ADGRD2: variants seen among roughly 807,000 people sequenced by gnomAD.
The protein encoded by ADGRD2 is G protein-coupled receptor PGR24.
Under a neutral mutation model 44.4 loss-of-function variants are expected in ADGRD2, and 71 were observed. That is an observed-to-expected ratio of 1.60 (90% CI 1.32 to 1.95). ADGRD2 has a LOEUF of 1.95. Among genes scored for constraint, ADGRD2 ranks in the 30% most tolerant of loss-of-function variants. The pLI is 0.00. For missense variants in ADGRD2, 1,039 were observed against 512.4 expected (o/e 2.03, Z -9.92); for synonymous variants, 481 against 224.8 (o/e 2.14, Z -10.19).
At chr9:124,450,871 G>A (rs1831453817), upstream of ADGRD2, among the ~76,000 whole-genome samples, 1 of 152,256 alleles carries the variant, frequency 6.6e-6, no homozygotes, top group African/African-American at 2.4e-5. Flanking sequence ...CAGGTGTCAG[G>A]ACACCGTGTT....
Position 124,466,619 on chromosome 9 carries a change from G to T in ADGRD2, c.2026+206G>T, listed in dbSNP as rs551750547. The T allele has an allele frequency of 7.8e-6, 3 of 386,598 alleles. No homozygotes were observed. The East Asian group carries it at 1.3e-4, about 16-fold the overall frequency. 23.9% of individuals were successfully genotyped at this position (386,598 alleles called of 1,614,324 possible). A position where few individuals can be genotyped will look rare whatever the true frequency, so the allele number is the denominator to read the frequency against. The stretch of plus-strand genomic sequence containing the variant: ...GAGCCCAGGAGTTCAAGACCAGCCT[G>T]GGCAACATGGCAAAACCCCGTCTCT... On this transcript the variant is annotated intron_variant, in intron 11 of 21. Transcript: ENST00000334810.
rs1831656731 is a variant in ADGRD2, at chr9:124,458,328, A to T, written c.1764+92A>T. On this transcript the variant is annotated intron_variant, in intron 9 of 21. Transcript: ENST00000334810. ...CGTTCTGGTGGGCGCATGTGTCCTT[A>T]GCAGCCCAGGGCCCACCCTTTCCCA... The T allele has an allele frequency of 4.4e-6, 3 of 678,066 alleles. No homozygotes were observed. The South Asian group carries it at 4.8e-5, about 11-fold the overall frequency. 42.0% of individuals were successfully genotyped at this position (678,066 alleles called of 1,614,324 possible). A position where few individuals can be genotyped will look rare whatever the true frequency, so the allele number is the denominator to read the frequency against.
At chr9:124,453,746 C>A in intron 3 of ADGRD2, 70 bp downstream of exon 6, 1 of 646,620 alleles carries the variant, frequency 1.5e-6, no homozygotes, top group Non-Finnish European at 2.8e-6. Flanking sequence ...GGAACTCGAC[C>A]CACCCCTTGC....
At chr9:124,472,455 TG>T (rs1831964031) in intron 17 of ADGRD2, among the ~76,000 whole-genome samples, 2 of 21,410 alleles carry the variant, frequency 9.3e-5, no homozygotes, top group Admixed American at 1.1e-3. Flanking sequence ...TTTGTTTGTT[TG>T]TTTTTTGTTT....
exon 3 of ADGRD2, chr9:124,453,131 C>T (rs1005143000): frequency 1.1e-5 from 8 of 701,750 alleles, no homozygotes; most frequent in Non-Finnish European, 1.8e-5. Context: ...GCGCTGACCG[C>T]GTGTACTCAC....
At chr9:124,471,594 G>GC (rs555906320) in intron 17 of ADGRD2, among the ~76,000 whole-genome samples, 95 of 152,272 alleles carry the variant, frequency 6.2e-4, no homozygotes, top group Admixed American at 4.7e-3. Flanking sequence ...CTTGCCCAAG[G>GC]CCCCCCAGGA....
At chr9:124,477,540 G>T (rs1472728274) in intron 21 of ADGRD2, among the ~76,000 whole-genome samples, 4 of 152,232 alleles carry the variant, frequency 2.6e-5, no homozygotes, top group African/African-American at 4.8e-5. Flanking sequence ...GCACAGAAAG[G>T]CGCAGCCGCT....
intron 17 of ADGRD2, among the ~76,000 whole-genome samples, chr9:124,472,199 C>T (rs1230583970): frequency 2.6e-5 from 4 of 152,154 alleles, no homozygotes; most frequent in East Asian, 3.9e-4. Flanking sequence ...ACCGTCGCAC[C>T]GTCTCAGATC....
At chr9:124,455,122 C>T (rs540077227) in exon 6 of ADGRD2, 16 of 700,374 alleles carry the variant, frequency 2.3e-5, no homozygotes, top group South Asian at 3.0e-5. Context: ...GCTCTCCCTC[C>T]GTGAAGTGAG....
chr9:124,456,662 G>A (rs755304046), exon 7 of ADGRD2: 31 of 717,404 alleles, frequency 4.3e-5, no homozygotes, highest in South Asian at 1.0e-4. Context: ...AGTGTGCAGC[G>A]CCTGGCACCC....
intron 6 of ADGRD2, among the ~76,000 whole-genome samples, chr9:124,455,764 G>A (rs369508230): frequency 4.6e-5 from 7 of 152,186 alleles, no homozygotes; most frequent in African/African-American, 1.7e-4. Context: ...CAGACACTCT[G>A]GACAACATGA....
intron 17 of ADGRD2, 105 bp downstream of exon 20, chr9:124,470,719 G>A: frequency 1.7e-6 from 1 of 596,722 alleles, no homozygotes. Flanking sequence ...TCCATCATGG[G>A]AGACATTCAA....
In ADGRD2 at chr9:124,453,026, T is replaced by TCCC; in HGVS notation, c.282-8_282-6dup. The TCCC allele has an allele frequency of 1.5e-6, 1 of 647,302 alleles. No individual in the cohort carries two copies. Among genetic ancestry groups the TCCC allele is most frequent in the Non-Finnish European group, 2.8e-6 (1 of 357,696 alleles). The allele number at this position is 647,302 out of a possible 1,614,324, so 40.1% of individuals were successfully genotyped here. ...GGAAACTGAGGTCGCAGCCCACGTG[T>TCCC]CCCTGCAGGTGCGCGCACCACCGCC... On this transcript the variant is annotated splice_polypyrimidine_tract_variant and intron_variant, in intron 2 of 21. Coordinates refer to ENST00000334810, the Ensembl canonical transcript of ADGRD2.
chr9:124,477,993 C>T (rs932249494), intron 21 of ADGRD2, among the ~76,000 whole-genome samples: 1 of 152,184 alleles, frequency 6.6e-6, no homozygotes, highest in Non-Finnish European at 1.5e-5. Flanking sequence ...CTCCGGACGC[C>T]CCCGCTTCCA....
At chr9:124,477,005 G>A (rs1254187343) in intron 21 of ADGRD2, 5 of 652,598 alleles carry the variant, frequency 7.7e-6, no homozygotes, top group South Asian at 3.0e-5. Context: ...CCAGGGGGGC[G>A]CTGCCAAGGA....
Position 124,454,969 on chromosome 9 carries a change from G to T in ADGRD2, c.1237G>T (p.Ala413Ser). 1 of 718,234 alleles carries T rather than the reference G, an allele frequency of 1.4e-6. No individual in the cohort carries two copies. Among genetic ancestry groups the T allele is most frequent in the Non-Finnish European group, 2.6e-6 (1 of 385,098 alleles). The allele number at this position is 718,234 out of a possible 1,614,324, so 44.5% of individuals were successfully genotyped here. ...TCCCCTGGGGCCGGCCGCACTGCTG[G>T]CTGTTGTCCGCTTCCTGAAGAGGGT... Residue 413 changes from alanine to serine, a missense_variant, in exon 6 of 22, where the codon GCT becomes TCT. Transcript: ENST00000334810. The surrounding 1 kb of genome is among the most constrained non-coding windows in gnomAD (Gnocchi z 4.5).
intron 10 of ADGRD2, among the ~76,000 whole-genome samples, chr9:124,463,311 A>C (rs1375521100): frequency 6.6e-6 from 1 of 152,156 alleles, no homozygotes; most frequent in Non-Finnish European, 1.5e-5. Flanking sequence ...TGTTAAACCA[A>C]CCTTGGATTC....
At chr9:124,455,016 C>T (rs761675244) in exon 6 of ADGRD2, 4 of 718,216 alleles carry the variant, frequency 5.6e-6, no homozygotes, top group Non-Finnish European at 1.0e-5. Context: ...GGGCTGGGGA[C>T]CCAGAGCTGT....
At chr9:124,476,877 C>T (rs749893508) in intron 21 of ADGRD2, 168 bp downstream of exon 24, 11 of 697,934 alleles carry the variant, frequency 1.6e-5, no homozygotes, top group South Asian at 3.0e-5. Context: ...GGGGGCCTGG[C>T]GGGGACCAGG....
Sources: gnomAD v4.1 joint callset for allele counts (sites outside exome capture counted in the v4.1 genomes callset) on GRCh38, gnomAD v4.1.1 for gene constraint, Gnocchi (gnomAD v3.1) non-coding constraint, MANE v1.5 for transcripts, NCBI Gene and HGNC (gene_info 2026-07-23, HGNC 2026-07-21) for gene names.